ANKRD28: variants seen among roughly 807,000 people sequenced by gnomAD.
The protein encoded by ANKRD28 is ankyrin repeat domain 28.
Under a neutral mutation model 126.5 loss-of-function variants are expected in ANKRD28, and 44 were observed. That is an observed-to-expected ratio of 0.35 (90% CI 0.27 to 0.45). The LOEUF is 0.45. Among genes scored for constraint, ANKRD28 ranks in the 20% least tolerant of loss-of-function variants. The pLI is 1.00. For missense variants in ANKRD28, 1,110 were observed against 1,316.6 expected (o/e 0.84, Z 2.43); for synonymous variants, 442 against 468.5 (o/e 0.94, Z 0.73).
chr3:15,855,809 G>A (rs577178030), intron 1 of ANKRD28, among the ~76,000 whole-genome samples: 1 of 152,184 alleles, frequency 6.6e-6, no homozygotes, highest in Non-Finnish European at 1.5e-5. Context: ...TGGGTATGGG[G>A]TTTCTTTTTG....
At chr3:15,767,143 G>A (rs2058777013) in intron 2 of ANKRD28, among the ~76,000 whole-genome samples, 1 of 151,976 alleles carries the variant, frequency 6.6e-6, no homozygotes, top group Admixed American at 6.6e-5. Context: ...CTTCCTCCAG[G>A]AAAAGAAGCT....
intron 14 of ANKRD28, among the ~76,000 whole-genome samples, chr3:15,706,547 C>T (rs1211440925): frequency 6.6e-6 from 1 of 152,140 alleles, no homozygotes; most frequent in Admixed American, 6.5e-5. Flanking sequence ...TCACAATAAA[C>T]ATACGTGTGC....
Position 15,695,304 on chromosome 3 carries a change from C to T in ANKRD28, c.1660-90G>A, listed in dbSNP as rs189347699. 6.7e-4 allele frequency: 644 copies of T among 961,492 alleles called. 2 individuals are homozygous for T. In the African/African-American group the frequency reaches 9.6e-3, roughly 14 times the overall value. The allele number at this position is 961,492 out of a possible 1,614,324, so 59.6% of individuals were successfully genotyped here. ...TTATATAGAGCTTTGCTAACTTTTA[C>T]CCTAAACCCGTGCTTCCTTTGGCTC... On this transcript the variant is annotated intron_variant, in intron 15 of 27. Coordinates refer to ENST00000683139, the MANE Select transcript of ANKRD28 (RefSeq NM_001349278.2).
chr3:15,854,527 T>C lies in ANKRD28; in HGVS notation c.27+4850A>G, dbSNP rs966178978. Among the ~76,000 whole-genome samples, 27 of 152,298 alleles carry C rather than the reference T, an allele frequency of 1.8e-4. 1 individual carries two copies. The highest frequency in any genetic ancestry group is 3.4e-3 in the Middle Eastern group (1 of 294). ...AGAGCTCACCAGGTTCTATTTTGTA[T>C]TGCAAAAGGTATCCAAAAAGTGAGG... is the stretch of plus-strand genomic sequence containing the variant. On this transcript the variant is annotated intron_variant, in intron 1 of 27. Transcript: ENST00000399451. The surrounding 1 kb of genome is among the most constrained non-coding windows in gnomAD (Gnocchi z 4.1).
chr3:15,729,856 A>G (rs2074454208), intron 6 of ANKRD28, among the ~76,000 whole-genome samples: 1 of 152,222 alleles, frequency 6.6e-6, no homozygotes, highest in Non-Finnish European at 1.5e-5. Flanking sequence ...TAGAAAAGAA[A>G]TAATGCAATG....
chr3:15,859,416 C>G, exon 1 of ANKRD28: 2 of 1,524,502 alleles, frequency 1.3e-6, no homozygotes, highest in Middle Eastern at 1.7e-4. Flanking sequence ...CGGTCGCCTC[C>G]GCGCCCACTC....
chr3:15,713,231 G>A (rs2072566325), intron 10 of ANKRD28, among the ~76,000 whole-genome samples: 1 of 152,038 alleles, frequency 6.6e-6, no homozygotes, highest in Non-Finnish European at 1.5e-5. Context: ...GGACTTTTAA[G>A]TACTTCTAGG....
chr3:15,775,184 T>C (rs1270262150), intron 2 of ANKRD28, among the ~76,000 whole-genome samples: 1 of 152,172 alleles, frequency 6.6e-6, no homozygotes, highest in African/African-American at 2.4e-5. Flanking sequence ...GCCCAGGAGA[T>C]TTAACAGGTA....
intron 1 of ANKRD28, among the ~76,000 whole-genome samples, chr3:15,858,642 T>C (rs1287982068): frequency 6.6e-6 from 1 of 152,218 alleles, no homozygotes; most frequent in Non-Finnish European, 1.5e-5. Flanking sequence ...ACATTAATTT[T>C]CCTTTTCCTT....
intron 14 of ANKRD28, among the ~76,000 whole-genome samples, chr3:15,699,979 C>G (rs1484015676): frequency 6.6e-6 from 1 of 152,198 alleles, no homozygotes; most frequent in Non-Finnish European, 1.5e-5. Flanking sequence ...AGACTTGGAA[C>G]CAACCCAAAT....
intron 3 of ANKRD28, among the ~76,000 whole-genome samples, chr3:15,759,925 A>G (rs2125469822): frequency 6.6e-6 from 1 of 152,310 alleles, no homozygotes; most frequent in South Asian, 2.1e-4. Flanking sequence ...AAAAGCACCT[A>G]CAGAACTCTT....
chr3:15,670,159 C>A lies in ANKRD28; in HGVS notation c.*111G>T. ...CATCAGATCTCTTAACATTGGCTCA[C>A]TGTGGGATCTTTCCTCTTAGGTTGA... On this transcript the variant is annotated 3_prime_UTR_variant, in exon 28 of 28. Transcript: ENST00000683139. 1.6e-6 allele frequency: 2 copies of A among 1,234,990 alleles called. No individual in the cohort carries two copies. The highest frequency in any genetic ancestry group is 2.2e-6 in the Non-Finnish European group (2 of 893,852). The allele number at this position is 1,234,990 out of a possible 1,614,324, so 76.5% of individuals were successfully genotyped here.
rs148237172 is a variant in ANKRD28, at chr3:15,741,042, T to A, written c.352-3809A>T. The stretch of plus-strand genomic sequence containing the variant: ...GGTGAAACCCCGTCTCTACTAAATA[T>A]ACAAAAATTAGCCAGGTGGGGGGGC... On this transcript the variant is annotated intron_variant, in intron 4 of 27. Transcript: ENST00000683139. Among the ~76,000 whole-genome samples the A allele has an allele frequency of 5.9e-3, 894 of 152,016 alleles. 6 individuals are homozygous for A. Among genetic ancestry groups the A allele is most frequent in the African/African-American group, 0.02 (849 of 41,426 alleles).
intron 1 of ANKRD28, among the ~76,000 whole-genome samples, chr3:15,818,069 C>T (rs2060869733): frequency 6.6e-6 from 1 of 152,066 alleles, no homozygotes; most frequent in Admixed American, 6.6e-5. Flanking sequence ...ATTATGTATG[C>T]TGAAAATCAC....
At chr3:15,700,051 C>A (rs1045197172) in intron 14 of ANKRD28, among the ~76,000 whole-genome samples, 1 of 152,074 alleles carries the variant, frequency 6.6e-6, no homozygotes, top group African/African-American at 2.4e-5. Flanking sequence ...AATACTATGC[C>A]ACCATAAAAA....
At chr3:15,741,307 G>A (rs951330808) in intron 4 of ANKRD28, among the ~76,000 whole-genome samples, 7 of 152,070 alleles carry the variant, frequency 4.6e-5, no homozygotes, top group Admixed American at 1.3e-4. Flanking sequence ...CATTAAAAAA[G>A]AAGAGGTGAA....
chr3:15,798,476 TAATC>T (rs2060375104), upstream of ANKRD28, among the ~76,000 whole-genome samples: 4 of 152,324 alleles, frequency 2.6e-5, no homozygotes, highest in South Asian at 6.2e-4. Flanking sequence ...TTGGTGAATT[TAATC>T]AATCATTGAT....
intron 14 of ANKRD28, among the ~76,000 whole-genome samples, chr3:15,701,419 C>T (rs1019403988): frequency 3.3e-5 from 5 of 152,034 alleles, no homozygotes; most frequent in Admixed American, 6.6e-5. Context: ...CGGAGGTGGG[C>T]GGAACACCTG....
At chr3:15,822,484 G>GA (rs2060965057) in intron 1 of ANKRD28, among the ~76,000 whole-genome samples, 1 of 152,168 alleles carries the variant, frequency 6.6e-6, no homozygotes, top group Non-Finnish European at 1.5e-5. Flanking sequence ...CAGGGAGGGG[G>GA]AAACATTGGC....
Sources: gnomAD v4.1 joint callset for allele counts (sites outside exome capture counted in the v4.1 genomes callset) on GRCh38, gnomAD v4.1.1 for gene constraint, Gnocchi (gnomAD v3.1) non-coding constraint, MANE v1.5 for transcripts, NCBI Gene and HGNC (gene_info 2026-07-23, HGNC 2026-07-21) for gene names.